Variants in CYYR1 observed in about 807,000 individuals in gnomAD.
The protein encoded by CYYR1 is cysteine and tyrosine-rich protein 1.
A neutral mutation model predicts 15.2 loss-of-function variants in CYYR1; 14 were observed. That is an observed-to-expected ratio of 0.92 (90% CI 0.61 to 1.44). CYYR1 has a LOEUF of 1.44. Among genes scored for constraint, CYYR1 ranks in the 40% most tolerant of loss-of-function variants. CYYR1 has a pLI of 0.00. For synonymous variants in CYYR1, 80 were observed against 77.4 expected (o/e 1.03, Z -0.18); for missense variants, 228 against 209.5 (o/e 1.09, Z -0.54).
At chr21:26,488,598 TTTTG>T (rs1384567068) in intron 2 of CYYR1, among the ~76,000 whole-genome samples, 1 of 152,116 alleles carries the variant, frequency 6.6e-6, no homozygotes, top group African/African-American at 2.4e-5. Context: ...TTTTGTTTTG[TTTTG>T]TTTTTTACAT....
At chr21:26,534,931 A>C (rs2830272) in intron 2 of CYYR1, among the ~76,000 whole-genome samples, 4,032 of 152,260 alleles carry the variant, frequency 0.026, 67 homozygotes, top group African/African-American at 0.045. Context: ...TGAGTTTGCA[A>C]AGTAAATATA....
chr21:26,477,881 C>A, intron 3 of CYYR1: 1 of 1,280,114 alleles, frequency 7.8e-7, no homozygotes, highest in Non-Finnish European at 9.9e-7. Context: ...AACATCTTTA[C>A]AGTAACCCTA....
intron 1 of CYYR1, among the ~76,000 whole-genome samples, chr21:26,570,719 TA>T (rs1253858958): frequency 2.0e-5 from 3 of 152,256 alleles, no homozygotes; most frequent in African/African-American, 7.2e-5. Flanking sequence ...GCAATTCATT[TA>T]ATAGTATGAA....
chr21:26,564,787 T>C, intron 2 of CYYR1: 1 of 1,248,160 alleles, frequency 8.0e-7, no homozygotes, highest in Non-Finnish European at 1.0e-6. Context: ...CTTCACATTC[T>C]CCAAGTTATA....
In CYYR1 at chr21:26,480,366, A is replaced by G; in HGVS notation, c.240T>C (p.Ile80=). 6.2e-7 allele frequency: 1 copy of G among 1,613,614 alleles called. No individual in the cohort carries two copies. The highest frequency in any genetic ancestry group is 1.7e-4 in the Middle Eastern group (1 of 6,050). Residue 80 remains isoleucine (I), a synonymous_variant, in exon 3 of 4, where the codon ATT becomes ATC. Transcript: ENST00000652641. ...IVFIMGVIAG[I]AICICMCMKN... is the part of the protein sequence containing the mutation. ...TCATGCACATGCAGATGCATATGGC[A>G]ATCCCAGCAATGACCCCCATGATAA...
At chr21:26,568,076 CAG>C (rs1489330920) in intron 1 of CYYR1, 3 of 152,250 alleles carry the variant, frequency 2.0e-5, no homozygotes, top group Middle Eastern at 3.4e-3. Context: ...AATTTGAAAA[CAG>C]AAACAAAATC....
At chr21:26,551,085 T>C (rs1268585322) in intron 2 of CYYR1, 1 of 152,692 alleles carries the variant, frequency 6.5e-6, no homozygotes, top group Non-Finnish European at 1.5e-5. Context: ...TTAAGAACTG[T>C]GCTAAATCTA....
intron 2 of CYYR1, among the ~76,000 whole-genome samples, chr21:26,558,770 A>G (rs1308007843): frequency 6.6e-6 from 1 of 152,200 alleles, no homozygotes; most frequent in Non-Finnish European, 1.5e-5. Context: ...CTCTTCACAC[A>G]GCATTATTCG....
At position 26,468,545 on chromosome 21, in the gene CYYR1, G is replaced by A. The variant is rs1346809536; in HGVS notation, c.424C>T (p.Gln142Ter). The change falls in exon 4 of 4, where the codon CAG (glutamine) becomes TAG (stop). Residue 142 changes from glutamine (Q) to a stop codon, truncating the protein, a stop_gained. Transcript: ENST00000652641. LOFTEE classifies it high-confidence loss of function. ...GGATAAGGAGGGGGTGGAGAACGCT[G>A]TGCTGGACCCTGTGGGGTGGGGGAG... ...PYSPTPQGPA[Q>*]RSPPPPYPGN... The A allele has an allele frequency of 1.2e-5, 20 of 1,612,758 alleles. No homozygotes were observed. Among genetic ancestry groups the A allele is most frequent in the Non-Finnish European group, 1.7e-5 (20 of 1,178,924 alleles).
intron 2 of CYYR1, among the ~76,000 whole-genome samples, chr21:26,511,887 G>A (rs2065652775): frequency 6.6e-6 from 1 of 152,076 alleles, no homozygotes; most frequent in African/African-American, 2.4e-5. Context: ...AGACAATTTA[G>A]AGGAAAAAGT....
At chr21:26,519,481 C>T (rs919197234) in intron 2 of CYYR1, among the ~76,000 whole-genome samples, 1 of 152,050 alleles carries the variant, frequency 6.6e-6, no homozygotes, top group African/African-American at 2.4e-5. Flanking sequence ...GTCAATGTGG[C>T]TGAAGGAAAG....
chr21:26,520,111 G>GAGAT (rs765010626), intron 2 of CYYR1, among the ~76,000 whole-genome samples: 2 of 83,138 alleles, frequency 2.4e-5, no homozygotes, highest in Non-Finnish European at 4.9e-5. Flanking sequence ...AAAAACCCAG[G>GAGAT]AGATATATAT....
intron 3 of CYYR1, among the ~76,000 whole-genome samples, chr21:26,472,342 T>TG (rs1241389197): frequency 1.2e-4 from 18 of 152,214 alleles, no homozygotes; most frequent in African/African-American, 4.3e-4. Context: ...TAATTATTTT[T>TG]TTTTTAGAAT....
At chr21:26,474,991 A>C (rs2065085136) in intron 3 of CYYR1, among the ~76,000 whole-genome samples, 1 of 152,172 alleles carries the variant, frequency 6.6e-6, no homozygotes, top group South Asian at 2.1e-4. Flanking sequence ...GCCTGGCAGA[A>C]CCCCAACCCT....
At chr21:26,566,451 C>G in intron 1 of CYYR1, 83 bp from the exon 2 acceptor site, 1 of 1,003,760 alleles carries the variant, frequency 1.0e-6, no homozygotes. Context: ...ACAACTTAAT[C>G]AGCCAATGAC....
At chr21:26,551,780 GAC>G (rs949082256) in intron 2 of CYYR1, 80 of 258,914 alleles carry the variant, frequency 3.1e-4, no homozygotes, top group African/African-American at 1.8e-3. Context: ...CTGTGGAAAT[GAC>G]AACAAAGGAT....
Position 26,468,478 on chromosome 21 carries a change from C to T in CYYR1, c.*23G>A. The T allele has an allele frequency of 1.4e-6, 2 of 1,430,172 alleles. No homozygotes were observed. The highest frequency in any genetic ancestry group is 2.0e-6 in the Non-Finnish European group (2 of 1,012,056). 88.6% of individuals were successfully genotyped at this position (1,430,172 alleles called of 1,614,324 possible). ...TTCCAGGCAAGATCGCCCATTGGCA[C>T]ATGTTCTGTTCTGGGAGATAGATTA... On this transcript the variant is annotated 3_prime_UTR_variant, in exon 4 of 4. Transcript: ENST00000652641.
intron 2 of CYYR1, among the ~76,000 whole-genome samples, chr21:26,505,524 A>G (rs2065545910): frequency 6.6e-6 from 1 of 152,216 alleles, no homozygotes; most frequent in Admixed American, 6.5e-5. Context: ...ATATGTATTT[A>G]TTGTACCTAA....
At chr21:26,542,229 G>A (rs1045905434) in intron 2 of CYYR1, among the ~76,000 whole-genome samples, 3 of 149,046 alleles carry the variant, frequency 2.0e-5, no homozygotes, top group African/African-American at 7.4e-5. Context: ...GCATAAGAAG[G>A]TGGGGGACGG....
Sources: gnomAD v4.1 joint callset for allele counts (sites outside exome capture counted in the v4.1 genomes callset) on GRCh38, gnomAD v4.1.1 for gene constraint, MANE v1.5 for transcripts, NCBI Gene and HGNC (gene_info 2026-07-23, HGNC 2026-07-21) for gene names.